The following IKZF2 variants were observed in gnomAD, a reference collection of about 807,000 sequenced individuals.
The protein encoded by IKZF2 is zinc finger protein Helios.
In IKZF2, 15 loss-of-function variants were observed where a neutral mutation model predicts 49.2. That is an observed-to-expected ratio of 0.30 (90% CI 0.20 to 0.47). IKZF2 has a LOEUF of 0.47. Ranked by LOEUF, IKZF2 falls within the 20% of genes least tolerant of loss-of-function variation. IKZF2 has a pLI of 1.00. For missense variants in IKZF2, 567 were observed against 664.6 expected (o/e 0.85, Z 1.61); for synonymous variants, 227 against 221.4 (o/e 1.03, Z -0.23).
At chr2:213,097,716 C>T (rs111880104) in intron 4 of IKZF2, among the ~76,000 whole-genome samples, 11 of 152,070 alleles carry the variant, frequency 7.2e-5, no homozygotes, top group African/African-American at 2.4e-4. Flanking sequence ...ACACAGCACA[C>T]GGAAGTGTTC....
At chr2:213,079,210 C>T (rs1553570821) in intron 4 of IKZF2, among the ~76,000 whole-genome samples, 2 of 151,810 alleles carry the variant, frequency 1.3e-5, no homozygotes, top group Non-Finnish European at 2.9e-5. Flanking sequence ...GGGATCCCAT[C>T]TATACAAAAA....
At chr2:213,089,576 T>C (rs1041100397) in intron 4 of IKZF2, among the ~76,000 whole-genome samples, 3 of 152,226 alleles carry the variant, frequency 2.0e-5, no homozygotes, top group Admixed American at 6.5e-5. Context: ...TTCCCAAGAA[T>C]GATTCTAACT....
intron 6 of IKZF2, among the ~76,000 whole-genome samples, chr2:213,025,242 C>T (rs779465517): frequency 6.6e-6 from 1 of 152,148 alleles, no homozygotes; most frequent in Non-Finnish European, 1.5e-5. Flanking sequence ...TGCATCCCTT[C>T]AGATATTGTT....
At position 213,056,945 on chromosome 2, in the gene IKZF2, C is replaced by T; in HGVS notation, c.294G>A (p.Glu98=). 1 of 1,613,806 alleles carries T rather than the reference C, an allele frequency of 6.2e-7. No homozygotes were observed. The highest frequency in any genetic ancestry group is 8.5e-7 in the Non-Finnish European group (1 of 1,179,866). ...GCCGGATTCCTCCCTCGCCTTGAAGCTCCTGGACTTTCCTGTTGTCAGCCA... is the reference window on the plus strand; with the variant it reads ...GCCGGATTCCTCCCTCGCCTTGAAGTTCCTGGACTTTCCTGTTGTCAGCCA... ...SEVADNRKVQ[E]LQGEGGIRLP... The change falls in exon 5 of 9, where the codon GAG becomes GAA. Residue 98 remains glutamate, a synonymous_variant. Transcript: ENST00000434687.
chr2:213,012,517 T>G (rs528293028), intron 8 of IKZF2, among the ~76,000 whole-genome samples: 1 of 152,072 alleles, frequency 6.6e-6, no homozygotes, highest in South Asian at 2.1e-4. Context: ...TTTTTTTTCA[T>G]AGTTACCCAC....
chr2:213,112,423 C>T (rs997705652), intron 4 of IKZF2, among the ~76,000 whole-genome samples: 1 of 150,010 alleles, frequency 6.7e-6, no homozygotes, highest in East Asian at 1.9e-4. Flanking sequence ...ATGAAAATGG[C>T]TTAATGAAAC....
At chr2:213,022,950 A>G (rs1328507893) in intron 6 of IKZF2, among the ~76,000 whole-genome samples, 1 of 152,162 alleles carries the variant, frequency 6.6e-6, no homozygotes, top group African/African-American at 2.4e-5. Flanking sequence ...AAAAACCTTA[A>G]AAAACAAAGA....
At chr2:213,047,564 AAAG>A (rs1700271129) in intron 6 of IKZF2, among the ~76,000 whole-genome samples, 1 of 152,106 alleles carries the variant, frequency 6.6e-6, no homozygotes, top group African/African-American at 2.4e-5. Context: ...TCAGTTCCCA[AAAG>A]AAGAATGTTT....
chr2:213,073,347 C>G (rs1198710966), intron 4 of IKZF2, among the ~76,000 whole-genome samples: 1 of 152,130 alleles, frequency 6.6e-6, no homozygotes, highest in Non-Finnish European at 1.5e-5. Context: ...ATGTTAGTGT[C>G]TCAGTTTCCC....
At chr2:213,070,715 G>A (rs967375643) in intron 4 of IKZF2, among the ~76,000 whole-genome samples, 4 of 152,204 alleles carry the variant, frequency 2.6e-5, no homozygotes, top group East Asian at 3.9e-4. Context: ...AGTACAGAAC[G>A]CCACATGGGA....
At chr2:213,087,083 T>A (rs1387112384) in intron 4 of IKZF2, among the ~76,000 whole-genome samples, 1 of 152,154 alleles carries the variant, frequency 6.6e-6, no homozygotes, top group Non-Finnish European at 1.5e-5. Flanking sequence ...AAAGTGGTAA[T>A]CTTAGGTTTT....
chr2:213,148,702 A>T, intron 2 of IKZF2, 58 bp from the exon 3 acceptor site: 1 of 1,407,832 alleles, frequency 7.1e-7, no homozygotes, highest in East Asian at 2.3e-5. Context: ...TCTGCCATTA[A>T]ATTCTTAACT....
Position 213,115,667 on chromosome 2 carries a change from A to G in IKZF2, c.139+32041T>C, listed in dbSNP as rs566862435. Among the ~76,000 whole-genome samples, 4 of 152,230 alleles carry G rather than the reference A, an allele frequency of 2.6e-5. No homozygotes were observed. The East Asian group carries it at 5.8e-4, about 22-fold the overall frequency. ...TTAAAAGGATAGGTAAAGGCAATGC[A>G]TGACTCAAACCATGTGAATCTCAAC... On this transcript the variant is annotated intron_variant, in intron 4 of 8. Coordinates refer to ENST00000434687, the MANE Select transcript of IKZF2 (RefSeq NM_001387220.1).
chr2:213,085,745 C>T (rs772551948), intron 4 of IKZF2, among the ~76,000 whole-genome samples: 16 of 152,190 alleles, frequency 1.1e-4, no homozygotes, highest in Non-Finnish European at 2.1e-4. Context: ...ACAATGCATG[C>T]ACTCTATTTA....
chr2:213,087,182 C>G (rs1343662812), intron 4 of IKZF2, among the ~76,000 whole-genome samples: 2 of 151,950 alleles, frequency 1.3e-5, no homozygotes, highest in African/African-American at 4.8e-5. Flanking sequence ...TTGACCCAAG[C>G]AGAGCAGAGG....
chr2:213,065,325 C>T (rs1702070203), intron 4 of IKZF2, among the ~76,000 whole-genome samples: 1 of 152,138 alleles, frequency 6.6e-6, no homozygotes, highest in Non-Finnish European at 1.5e-5. Flanking sequence ...CTTACCTCTA[C>T]ACTGCCTATA....
chr2:213,120,979 T>C (rs2060038456), intron 4 of IKZF2, among the ~76,000 whole-genome samples: 1 of 152,164 alleles, frequency 6.6e-6, no homozygotes, highest in Admixed American at 6.5e-5. Flanking sequence ...TATATGAAAA[T>C]AATTTTACTA....
intron 4 of IKZF2, among the ~76,000 whole-genome samples, chr2:213,061,836 G>A (rs1166375439): frequency 6.6e-6 from 1 of 151,314 alleles, no homozygotes; most frequent in East Asian, 1.9e-4. Context: ...TTAGAATACA[G>A]GAAATATTTT....
rs1265871768 is a variant in IKZF2 at position 213,002,477 on chromosome 2, C to T, written c.*4883G>A. The T allele has an allele frequency of 6.6e-6, 1 of 151,462 alleles. No individual in the cohort carries two copies. The highest frequency in any genetic ancestry group is 2.4e-5 in the African/African-American group (1 of 41,374). The allele number at this position is 151,462 out of a possible 1,614,324, so 9.4% of individuals were successfully genotyped here. ...AATATTCAAGGTGTCATTATTTGGC[C>T]TAGTAATACACTATGATAAAAAGAA... On this transcript the variant is annotated 3_prime_UTR_variant, in exon 9 of 9. Transcript: ENST00000434687.
Sources: gnomAD v4.1 joint callset for allele counts (sites outside exome capture counted in the v4.1 genomes callset) on GRCh38, gnomAD v4.1.1 for gene constraint, MANE v1.5 for transcripts, NCBI Gene and HGNC (gene_info 2026-07-23, HGNC 2026-07-21) for gene names.